Variants in CEP85L observed in about 807,000 individuals in gnomAD.
CEP85L encodes the protein centrosomal protein 85L, also known as centrosomal protein of 85 kDa-like.
In CEP85L, 60 loss-of-function variants were observed where a neutral mutation model predicts 100.3. The ratio of observed to expected loss-of-function variants is 0.60; its 90% CI spans 0.49 to 0.74. The LOEUF is 0.74. Ranked by LOEUF, CEP85L falls within the 30% of genes least tolerant of loss-of-function variation. The pLI is 0.00. For synonymous variants in CEP85L, 319 were observed against 322.7 expected (o/e 0.99, Z 0.12); for missense variants, 973 against 936.2 (o/e 1.04, Z -0.51).
At chr6:118,504,676 G>A (rs1775530000) in intron 5 of CEP85L, among the ~76,000 whole-genome samples, 1 of 152,190 alleles carries the variant, frequency 6.6e-6, no homozygotes, top group Non-Finnish European at 1.5e-5. Flanking sequence ...GGAGTTATGT[G>A]AACTCTGATT....
chr6:118,699,960 G>T (rs527455288), intron 1 of CEP85L, among the ~76,000 whole-genome samples: 1 of 152,282 alleles, frequency 6.6e-6, no homozygotes, highest in Non-Finnish European at 1.5e-5. Context: ...CTCCCAAAGT[G>T]CTGGGATTAC....
At chr6:118,521,389 TTTCTC>T (rs1400736489) in intron 4 of CEP85L, among the ~76,000 whole-genome samples, 4 of 152,246 alleles carry the variant, frequency 2.6e-5, no homozygotes, top group Non-Finnish European at 5.9e-5. Flanking sequence ...AGCTGCTTAG[TTTCTC>T]TTCTGTTTTA....
intron 2 of CEP85L, among the ~76,000 whole-genome samples, chr6:118,590,795 C>T (rs1017203800): frequency 5.3e-5 from 8 of 152,190 alleles, no homozygotes; most frequent in Non-Finnish European, 8.8e-5. Context: ...ACCCTCCTCT[C>T]TCCCCAGATG....
At chr6:118,629,020 T>A (rs1227346059) in intron 2 of CEP85L, among the ~76,000 whole-genome samples, 1 of 152,150 alleles carries the variant, frequency 6.6e-6, no homozygotes, top group African/African-American at 2.4e-5. Flanking sequence ...CAACCAACCG[T>A]GGATCAAAAA....
intron 3 of CEP85L, among the ~76,000 whole-genome samples, chr6:118,555,790 C>T (rs939883983): frequency 6.6e-6 from 1 of 151,600 alleles, no homozygotes; most frequent in African/African-American, 2.4e-5. Flanking sequence ...TTCTGCTCCT[C>T]TGCCTCCTCC....
chr6:118,614,889 T>TAGAC (rs1562311098), intron 2 of CEP85L, among the ~76,000 whole-genome samples: 1 of 143,340 alleles, frequency 7.0e-6, no homozygotes. Context: ...GATAGATAGA[T>TAGAC]AGATAGATAG....
At chr6:118,679,968 A>G (rs1776597695) in intron 1 of CEP85L, among the ~76,000 whole-genome samples, 1 of 151,820 alleles carries the variant, frequency 6.6e-6, no homozygotes, top group African/African-American at 2.4e-5. Flanking sequence ...AGGAAATCAG[A>G]TTAGAAATTT....
intron 1 of CEP85L, among the ~76,000 whole-genome samples, chr6:118,706,738 C>A (rs1437682336): frequency 6.6e-6 from 1 of 152,110 alleles, no homozygotes; most frequent in African/African-American, 2.4e-5. Flanking sequence ...CATCTAATTC[C>A]TTTTTTCCTT....
chr6:118,653,165 C>G (rs1775655009), upstream of CEP85L, among the ~76,000 whole-genome samples: 1 of 152,046 alleles, frequency 6.6e-6, no homozygotes, highest in Non-Finnish European at 1.5e-5. Context: ...CTCGGGTTTT[C>G]TACATCTTTT....
At chr6:118,488,501 C>T (rs1194744383) in intron 6 of CEP85L, among the ~76,000 whole-genome samples, 1 of 151,372 alleles carries the variant, frequency 6.6e-6, no homozygotes, top group African/African-American at 2.4e-5. Context: ...ACAAAAAGAA[C>T]AAGGAATAAA....
intron 2 of CEP85L, among the ~76,000 whole-genome samples, chr6:118,573,130 G>C (rs192942118): frequency 5.3e-4 from 80 of 152,156 alleles, no homozygotes; most frequent in African/African-American, 1.8e-3. Flanking sequence ...CAGCTGCAGA[G>C]CAGGACTAAA....
At position 118,463,211 on chromosome 6, in the gene CEP85L, G is replaced by A. The variant is rs971335993; in HGVS notation, c.*2194C>T. ...CCCAACTAAGCCAAAAAACAAAAAC[G>A]TATCTATAGTAGATTAAAACAAACT... On this transcript the variant is annotated 3_prime_UTR_variant, in exon 13 of 13. Coordinates refer to ENST00000368491, the MANE Select transcript of CEP85L (RefSeq NM_001042475.3). 10 of 151,218 alleles carry A rather than the reference G, an allele frequency of 6.6e-5. No homozygotes were observed. In the South Asian group the frequency reaches 1.0e-3, roughly 16 times the overall value. 9.4% of individuals were successfully genotyped at this position (151,218 alleles called of 1,614,324 possible).
At chr6:118,646,992 C>T (rs909477803) in intron 1 of CEP85L, 2 of 985,128 alleles carry the variant, frequency 2.0e-6, no homozygotes, top group African/African-American at 1.7e-5. Flanking sequence ...AAGTTCATTT[C>T]ACCAAAGTCA....
intron 1 of CEP85L, among the ~76,000 whole-genome samples, chr6:118,635,714 GC>G (rs1379742827): frequency 2.6e-5 from 4 of 152,158 alleles, no homozygotes; most frequent in Non-Finnish European, 5.9e-5. Context: ...ACTATTTTGA[GC>G]AGTATAAAGT....
chr6:118,501,292 T>C (rs1775285029), intron 5 of CEP85L: 3 of 367,342 alleles, frequency 8.2e-6, no homozygotes, highest in Non-Finnish European at 1.6e-5. Context: ...CCACTTCTGG[T>C]CCAGGCCAGG....
chr6:118,612,856 T>C (rs1026692516), intron 2 of CEP85L, among the ~76,000 whole-genome samples: 2 of 152,026 alleles, frequency 1.3e-5, no homozygotes, highest in Non-Finnish European at 2.9e-5. Flanking sequence ...TGGTTCTTTG[T>C]AGAGATCAGT....
At chr6:118,634,092 A>G (rs776097163) in intron 1 of CEP85L, among the ~76,000 whole-genome samples, 1 of 152,246 alleles carries the variant, frequency 6.6e-6, no homozygotes, top group Non-Finnish European at 1.5e-5. Context: ...CTAAGTAAAG[A>G]GCAAATGACA....
intron 2 of CEP85L, among the ~76,000 whole-genome samples, chr6:118,630,111 A>G (rs1293001169): frequency 6.6e-6 from 1 of 152,176 alleles, no homozygotes; most frequent in African/African-American, 2.4e-5. Context: ...CCTAACTACA[A>G]TGCATTTAAA....
intron 2 of CEP85L, among the ~76,000 whole-genome samples, chr6:118,625,977 G>C (rs747323764): frequency 7.2e-5 from 11 of 152,148 alleles, no homozygotes; most frequent in Non-Finnish European, 1.6e-4. Flanking sequence ...AACTGGCCTA[G>C]AAAGTTCCCC....
Sources: gnomAD v4.1 joint callset for allele counts (sites outside exome capture counted in the v4.1 genomes callset) on GRCh38, gnomAD v4.1.1 for gene constraint, MANE v1.5 for transcripts, NCBI Gene and HGNC (gene_info 2026-07-23, HGNC 2026-07-21) for gene names.